The following GALK1 variants were observed in gnomAD, a reference collection of about 807,000 sequenced individuals.
GALK1 encodes the protein galactokinase 1, also known as galactokinase.
GALK1 carries 30 observed loss-of-function variants against 38.6 expected under a neutral mutation model. The observed-to-expected ratio is 0.78, with a 90% CI of 0.58 to 1.05. GALK1 has a LOEUF of 1.05. GALK1 is among the 50% of genes least tolerant of loss of function. The probability of loss-of-function intolerance (pLI) is 0.00; values close to 1 mark genes in which losing one functional copy is unlikely to be tolerated. For synonymous variants in GALK1, 240 were observed against 233.6 expected (o/e 1.03, Z -0.25); for missense variants, 512 against 540.5 (o/e 0.95, Z 0.52).
At position 75,763,022 on chromosome 17, in the gene GALK1, A is replaced by C. The variant is rs577510039; in HGVS notation, c.603T>G (p.Ile201Met). The C allele has an allele frequency of 1.2e-6, 2 of 1,612,878 alleles. No individual in the cohort carries two copies. Among genetic ancestry groups the C allele is most frequent in the Non-Finnish European group, 1.7e-6 (2 of 1,180,018 alleles). Reference sequence around the variant, plus strand: ...AGGGGAGCGAGCCCAACCTGCAGTCAATGAGCAGCGCGTGGCCTTTCTGTC... The same window carrying C: ...AGGGGAGCGAGCCCAACCTGCAGTCCATGAGCAGCGCGTGGCCTTTCTGTC... ...LMGQKGHALLIDCRSLETSLV... is the reference protein window; with the variant it reads ...LMGQKGHALLMDCRSLETSLV... The change falls in exon 4 of 8, where the codon ATT becomes ATG. Residue 201 changes from isoleucine to methionine, a missense_variant. Coordinates refer to ENST00000588479, the MANE Select transcript of GALK1 (RefSeq NM_000154.2).
chr17:75,757,157 C>T (rs2143559285), downstream of GALK1: 2 of 1,612,552 alleles, frequency 1.2e-6, no homozygotes, highest in Non-Finnish European at 8.5e-7. Context: ...GGCCGTGCCT[C>T]CTTCTGGCAC....
At chr17:75,759,453 G>T (rs1382287581) in intron 5 of GALK1, among the ~76,000 whole-genome samples, 2 of 151,412 alleles carry the variant, frequency 1.3e-5, no homozygotes, top group South Asian at 2.1e-4. Context: ...AAGAAAGAAA[G>T]AAATGAATGG....
chr17:75,755,611 C>A, downstream of GALK1: 1 of 1,540,866 alleles, frequency 6.5e-7, no homozygotes, highest in Non-Finnish European at 8.9e-7. Flanking sequence ...GACATGCCAG[C>A]TGAGGGAGGG....
downstream of GALK1, chr17:75,755,295 C>T (rs577078944): frequency 7.7e-5 from 108 of 1,402,772 alleles, no homozygotes; most frequent in Admixed American, 3.0e-4. Context: ...GCCAGCTGTG[C>T]CCACTGCTTC....
At chr17:75,752,401 C>T (rs2061388639) in intron 8 of GALK1, 1 of 1,612,674 alleles carries the variant, frequency 6.2e-7, no homozygotes, top group Non-Finnish European at 8.5e-7. Flanking sequence ...GGCAGGGGGG[C>T]AGGGGGCAGC....
At position 75,763,450 on chromosome 17, in the gene GALK1, A is replaced by C. The variant is rs374886943; in HGVS notation, c.356-11T>G. The C allele has an allele frequency of 3.4e-5, 54 of 1,583,228 alleles. No homozygotes were observed. The highest frequency in any genetic ancestry group is 1.7e-4 in the Middle Eastern group (1 of 5,814). ...CAGGGAGGGGGGCAGCTGCAGGGGAAAGAACAGGTGATGGTAAGAGGGGCT... is the reference window on the plus strand; with the variant it reads ...CAGGGAGGGGGGCAGCTGCAGGGGACAGAACAGGTGATGGTAAGAGGGGCT... On this transcript the variant is annotated splice_polypyrimidine_tract_variant and intron_variant, in intron 2 of 7. Transcript: ENST00000588479.
intron 5 of GALK1, among the ~76,000 whole-genome samples, chr17:75,760,599 C>T (rs2061583159): frequency 6.6e-6 from 1 of 150,674 alleles, no homozygotes; most frequent in Admixed American, 6.6e-5. Context: ...AACCCAGTGT[C>T]CACTAAAAAT....
downstream of GALK1, chr17:75,755,971 C>T (rs1350361890): frequency 2.4e-6 from 3 of 1,242,326 alleles, no homozygotes; most frequent in Middle Eastern, 2.6e-4. Context: ...GCTAAAGCCC[C>T]CATCCAGCCT....
At chr17:75,755,078 G>T (rs573432171), downstream of GALK1, 14 of 1,600,168 alleles carry the variant, frequency 8.7e-6, no homozygotes, top group East Asian at 1.8e-4. Flanking sequence ...CTGGGAACAC[G>T]GGAGGAGCAG....
At chr17:75,757,243 C>G, downstream of GALK1, 1 of 1,612,016 alleles carries the variant, frequency 6.2e-7, no homozygotes, top group Non-Finnish European at 8.5e-7. Context: ...TCTTCCAGCA[C>G]CCGCTGCAAA....
rs2061557944 is a variant in GALK1 at position 75,757,904 on chromosome 17, C to T, written c.*152G>A. ...TTCTGACATCCCCCATTCTCTGACA[C>T]CCAAGCATACACCCACCTCTAGAGG... is the stretch of plus-strand genomic sequence containing the variant. On this transcript the variant is annotated 3_prime_UTR_variant, in exon 8 of 8. Coordinates refer to ENST00000588479, the MANE Select transcript of GALK1 (RefSeq NM_000154.2). 6 of 885,444 alleles carry T rather than the reference C, an allele frequency of 6.8e-6. No individual in the cohort carries two copies. The South Asian group carries it at 9.1e-5, about 13-fold the overall frequency. 54.8% of individuals were successfully genotyped at this position (885,444 alleles called of 1,614,324 possible). A position where few individuals can be genotyped will look rare whatever the true frequency, so the allele number is the denominator to read the frequency against.
In GALK1 at chr17:75,763,921, T is replaced by C. The variant is rs773991014; in HGVS notation, c.331A>G (p.Lys111Glu). 13 of 1,613,774 alleles carry C rather than the reference T, an allele frequency of 8.1e-6. No individual in the cohort carries two copies. The highest frequency in any genetic ancestry group is 1.1e-5 in the Non-Finnish European group (13 of 1,179,966). ...CCTGGGTAGTACTGAATCACTCCCTTGACATAGTTGGCCCACCGAGGAGTC... is the reference window on the plus strand; with the variant it reads ...CCTGGGTAGTACTGAATCACTCCCTCGACATAGTTGGCCCACCGAGGAGTC... ...PGTPRWANYV[K>E]GVIQYYPAAP... Residue 111 changes from lysine (K) to glutamate (E), a missense_variant, in exon 2 of 8, where the codon AAG becomes GAG. Transcript: ENST00000588479.
chr17:75,761,004 C>G (rs1045921337), intron 5 of GALK1, among the ~76,000 whole-genome samples: 1 of 152,036 alleles, frequency 6.6e-6, no homozygotes, highest in African/African-American at 2.4e-5. Flanking sequence ...GAGTTCACGA[C>G]CAGCCCGACC....
downstream of GALK1, chr17:75,753,894 C>G: frequency 7.7e-7 from 1 of 1,302,640 alleles, no homozygotes; most frequent in Non-Finnish European, 9.7e-7. Flanking sequence ...GCCGAGGCGC[C>G]CCACGGGCCC....
intron 2 of GALK1, 109 bp from the exon 3 acceptor site, chr17:75,763,548 G>A (rs1356076705): frequency 8.0e-6 from 10 of 1,257,184 alleles, no homozygotes; most frequent in Non-Finnish European, 1.0e-5. Flanking sequence ...GCTGTTTCTA[G>A]GGTGTGTGTC....
chr17:75,757,879 T>C, downstream of GALK1: 1 of 763,242 alleles, frequency 1.3e-6, no homozygotes, highest in Admixed American at 2.1e-5. Flanking sequence ...AGGGGAGCGG[T>C]TCTGACATCC....
At chr17:75,752,124 G>A (rs1202103363) in intron 8 of GALK1, 3 of 1,588,616 alleles carry the variant, frequency 1.9e-6, no homozygotes, top group Non-Finnish European at 8.6e-7. Context: ...GGTGGTGTTG[G>A]GACCAGGCTG....
chr17:75,754,871 C>T, downstream of GALK1: 1 of 1,611,572 alleles, frequency 6.2e-7, no homozygotes, highest in East Asian at 2.2e-5. Context: ...TCTTCCAGCT[C>T]CTGGAGCCTC....
chr17:75,751,737 T>C (rs955098210), exon 9 of GALK1: 1 of 240,002 alleles, frequency 4.2e-6, no homozygotes, highest in Admixed American at 5.1e-5. Context: ...CCAGACTCCG[T>C]CTAAAAATAA....
Sources: gnomAD v4.1 joint callset for allele counts (sites outside exome capture counted in the v4.1 genomes callset) on GRCh38, gnomAD v4.1.1 for gene constraint, MANE v1.5 for transcripts, NCBI Gene and HGNC (gene_info 2026-07-23, HGNC 2026-07-21) for gene names.